The following PHACTR3 variants were observed in gnomAD, a reference collection of about 807,000 sequenced individuals.
PHACTR3 encodes protein phosphatase 1, regulatory subunit 123.
In PHACTR3, 16 loss-of-function variants were observed where a neutral mutation model predicts 66.8. The observed-to-expected ratio is 0.24, with a 90% CI of 0.16 to 0.36. The LOEUF (loss-of-function observed/expected upper bound fraction) is 0.36. Among genes scored for constraint, PHACTR3 ranks in the 10% least tolerant of loss-of-function variants. The pLI, the probability that PHACTR3 is intolerant of heterozygous loss-of-function variation, is 1.00. For synonymous variants in PHACTR3, 323 were observed against 292.1 expected (o/e 1.11, Z -1.08); for missense variants, 647 against 719.9 (o/e 0.90, Z 1.16).
chr20:59,680,588 G>A (rs899151314), intron 1 of PHACTR3, among the ~76,000 whole-genome samples: 6 of 152,172 alleles, frequency 3.9e-5, no homozygotes, highest in African/African-American at 7.2e-5. Flanking sequence ...CAAGGCCTGT[G>A]GGACGCATGC....
intron 7 of PHACTR3, among the ~76,000 whole-genome samples, chr20:59,779,260 C>T (rs971957281): frequency 1.3e-5 from 2 of 152,218 alleles, no homozygotes; most frequent in Non-Finnish European, 2.9e-5. Flanking sequence ...ACATTCTCAA[C>T]TGTGTCCCCA....
At chr20:59,615,350 T>G (rs969112022) in intron 1 of PHACTR3, among the ~76,000 whole-genome samples, 1 of 152,170 alleles carries the variant, frequency 6.6e-6, no homozygotes, top group African/African-American at 2.4e-5. Context: ...ACTTACCTAT[T>G]TGCTGACGCA....
intron 1 of PHACTR3, among the ~76,000 whole-genome samples, chr20:59,598,855 A>C: frequency 6.6e-6 from 1 of 152,046 alleles, no homozygotes; most frequent in East Asian, 1.9e-4. Context: ...CACCTGACGA[A>C]CCTGGCCTGT....
At chr20:59,743,468 G>A (rs2146770155) in intron 2 of PHACTR3, among the ~76,000 whole-genome samples, 200 bp downstream of exon 2, 1 of 152,332 alleles carries the variant, frequency 6.6e-6, no homozygotes, top group East Asian at 1.9e-4. Flanking sequence ...TGAAGCCCTG[G>A]GGTGGAGTTG....
At chr20:59,605,900 G>A (rs1186179309) in intron 1 of PHACTR3, among the ~76,000 whole-genome samples, 2 of 151,320 alleles carry the variant, frequency 1.3e-5, no homozygotes, top group South Asian at 2.1e-4. Context: ...CCATGGAGAC[G>A]CAGGAAGCAA....
chr20:59,623,634 T>C (rs1207751829), intron 1 of PHACTR3, among the ~76,000 whole-genome samples: 1 of 152,064 alleles, frequency 6.6e-6, no homozygotes, highest in Non-Finnish European at 1.5e-5. Flanking sequence ...ATCTGTGGGA[T>C]GTAGATATGA....
chr20:59,628,823 T>C, intron 1 of PHACTR3: 7 of 985,102 alleles, frequency 7.1e-6, no homozygotes, highest in Non-Finnish European at 8.4e-6. Context: ...GGAGGTTAGA[T>C]CTTGTTTTTT....
rs1331821226 is a variant in PHACTR3 at position 59,736,388 on chromosome 20, TG to T, written c.119-6713del. On this transcript the variant is annotated intron_variant, in intron 1 of 12. Transcript: ENST00000371015. The surrounding 1 kb of genome is among the most constrained non-coding windows in gnomAD (Gnocchi z 4.6). ...AGAGACGGGGAGAGAATTCCTGGAG[TG>T]GGGGGAGGTGCTCCCATCTGTCCCT... is the stretch of plus-strand genomic sequence containing the variant. Among the ~76,000 whole-genome samples, 1 of 151,684 alleles carries T rather than the reference TG, an allele frequency of 6.6e-6. No individual in the cohort carries two copies. The highest frequency in any genetic ancestry group is 1.5e-5 in the Non-Finnish European group (1 of 67,880).
chr20:59,689,980 C>A (rs1038176170), intron 1 of PHACTR3, among the ~76,000 whole-genome samples: 41 of 152,176 alleles, frequency 2.7e-4, no homozygotes, highest in Non-Finnish European at 1.6e-4. Flanking sequence ...TGGGTTTCTG[C>A]TGGGCGATGG....
chr20:59,682,474 C>G (rs1328461855), intron 1 of PHACTR3, among the ~76,000 whole-genome samples: 1 of 152,190 alleles, frequency 6.6e-6, no homozygotes, highest in Non-Finnish European at 1.5e-5. Flanking sequence ...CCTCCTGGAG[C>G]TTGTGTGCTA....
intron 4 of PHACTR3, among the ~76,000 whole-genome samples, chr20:59,766,650 C>G (rs1194293156): frequency 6.6e-6 from 1 of 152,122 alleles, no homozygotes; most frequent in Non-Finnish European, 1.5e-5. Flanking sequence ...CCACTCTAGG[C>G]TGGCATGCCA....
At chr20:59,667,282 C>T (rs1028907951) in intron 1 of PHACTR3, among the ~76,000 whole-genome samples, 3 of 152,244 alleles carry the variant, frequency 2.0e-5, no homozygotes, top group Non-Finnish European at 2.9e-5. Flanking sequence ...GCCCAGTGGG[C>T]GTGGCTGGCC....
chr20:59,773,670 T>C (rs1233794446), intron 6 of PHACTR3, among the ~76,000 whole-genome samples: 2 of 152,192 alleles, frequency 1.3e-5, no homozygotes, highest in Non-Finnish European at 2.9e-5. Flanking sequence ...GCACAGTGAA[T>C]GTGCACTATG....
chr20:59,758,609 G>A (rs1276323967), intron 4 of PHACTR3, among the ~76,000 whole-genome samples: 1 of 152,168 alleles, frequency 6.6e-6, no homozygotes, highest in African/African-American at 2.4e-5. Flanking sequence ...TGGGGAGCGT[G>A]CTCTACTAAT....
intron 7 of PHACTR3, among the ~76,000 whole-genome samples, chr20:59,781,265 A>G (rs1242226787): frequency 3.3e-5 from 5 of 152,192 alleles, no homozygotes; most frequent in African/African-American, 4.8e-5. Context: ...ACCGGGGTCT[A>G]TGTGCCAGGA....
rs569952386 is a variant in PHACTR3 at position 59,786,147 on chromosome 20, T to C, written c.1174+11657T>C. On this transcript the variant is annotated intron_variant, in intron 7 of 12. Transcript: ENST00000371015. Reference sequence around the variant, plus strand: ...GGCAGGAGGCCTGGGGCTGGGATCCTCCCCTTTGCCCTGCTCATTCCCCAG... The same window carrying C: ...GGCAGGAGGCCTGGGGCTGGGATCCCCCCCTTTGCCCTGCTCATTCCCCAG... Among the ~76,000 whole-genome samples the C allele has an allele frequency of 7.9e-5, 12 of 152,316 alleles. No homozygotes were observed. In the East Asian group the frequency reaches 2.3e-3, roughly 29 times the overall value.
intron 1 of PHACTR3, 22 bp from the exon 2 acceptor site, chr20:59,743,085 C>T (rs1394061961): frequency 1.9e-6 from 3 of 1,606,138 alleles, no homozygotes; most frequent in African/African-American, 2.7e-5. Context: ...ACTTGAGGAC[C>T]CCCTTGGTTT....
intron 8 of PHACTR3, among the ~76,000 whole-genome samples, chr20:59,818,301 G>A (rs1298740755): frequency 6.6e-6 from 1 of 152,162 alleles, no homozygotes; most frequent in East Asian, 1.9e-4. Context: ...GTCTTTTGGG[G>A]CCACGGGAAG....
chr20:59,773,017 G>A (rs989930091), intron 5 of PHACTR3, among the ~76,000 whole-genome samples: 2 of 152,152 alleles, frequency 1.3e-5, no homozygotes, highest in Non-Finnish European at 2.9e-5. Context: ...CCAGCGCCCT[G>A]CAGGGAGGAT....
Sources: gnomAD v4.1 joint callset for allele counts (sites outside exome capture counted in the v4.1 genomes callset) on GRCh38, gnomAD v4.1.1 for gene constraint, Gnocchi (gnomAD v3.1) non-coding constraint, MANE v1.5 for transcripts, NCBI Gene and HGNC (gene_info 2026-07-23, HGNC 2026-07-21) for gene names.